Variants in LRRC7 observed in about 807,000 individuals in gnomAD.
LRRC7 encodes the protein leucine-rich repeat-containing protein 7.
A neutral mutation model predicts 175.7 loss-of-function variants in LRRC7; 23 were observed. The ratio of observed to expected loss-of-function variants is 0.13; its 90% CI spans 0.09 to 0.19. The LOEUF is 0.19. LRRC7 is among the 10% of genes least tolerant of loss of function. The pLI is 1.00. For synonymous variants in LRRC7, 685 were observed against 680.9 expected (o/e 1.01, Z -0.09); for missense variants, 1,354 against 1,904.7 (o/e 0.71, Z 5.38).
intron 22 of LRRC7, among the ~76,000 whole-genome samples, chr1:70,048,921 C>A (rs1418750187): frequency 6.6e-6 from 1 of 152,094 alleles, no homozygotes; most frequent in Non-Finnish European, 1.5e-5. Context: ...GGGAGAAAAT[C>A]ATTGGCCTTT....
intron 1 of LRRC7, among the ~76,000 whole-genome samples, chr1:69,668,662 G>C (rs1570269593): frequency 6.6e-6 from 1 of 152,338 alleles, no homozygotes; most frequent in East Asian, 1.9e-4. Context: ...TATAAACCCA[G>C]TAATGGGATT....
intron 2 of LRRC7, among the ~76,000 whole-genome samples, chr1:69,713,332 GTA>G (rs202118608): frequency 6.7e-6 from 1 of 149,784 alleles, no homozygotes. Flanking sequence ...AAAAAAAAAT[GTA>G]TATATATATA....
intron 3 of LRRC7, among the ~76,000 whole-genome samples, chr1:69,767,022 C>A (rs1671697258): frequency 6.6e-6 from 1 of 152,166 alleles, no homozygotes; most frequent in Admixed American, 6.6e-5. Context: ...CCGCCCATAT[C>A]TATTAGCAGT....
chr1:69,725,500 T>C (rs1198782476), intron 2 of LRRC7, among the ~76,000 whole-genome samples: 4 of 152,158 alleles, frequency 2.6e-5, no homozygotes, highest in Non-Finnish European at 4.4e-5. Flanking sequence ...TGAAAACCAA[T>C]TGTTACAGGT....
At chr1:69,699,352 C>A (rs34324965) in intron 2 of LRRC7, among the ~76,000 whole-genome samples, 11,950 of 152,046 alleles carry the variant, frequency 0.079, 557 homozygotes, top group East Asian at 0.14. Context: ...CCATCCTGGC[C>A]AACATGGTGA....
At position 70,132,880 on chromosome 1, in the gene LRRC7, G is replaced by C. The variant is rs1219716764; in HGVS notation, c.*10993G>C. Among the ~76,000 whole-genome samples, 2 of 152,156 alleles carry C rather than the reference G, an allele frequency of 1.3e-5. No homozygotes were observed. Among genetic ancestry groups the C allele is most frequent in the African/African-American group, 4.8e-5 (2 of 41,418 alleles). On this transcript the variant is annotated 3_prime_UTR_variant, in exon 27 of 27. Transcript: ENST00000651989. ...ATCATAAGACAGAAAGGGACCTTGA[G>C]AGGATCTGGTTCATTTGTCTATCTT...
At chr1:69,686,951 A>T (rs1570355637) in intron 2 of LRRC7, among the ~76,000 whole-genome samples, 1 of 152,336 alleles carries the variant, frequency 6.6e-6, no homozygotes, top group Non-Finnish European at 1.5e-5. Context: ...AGCTAGAGTG[A>T]CTATATTAAT....
intron 12 of LRRC7, 59 bp downstream of exon 12, chr1:70,011,985 A>T: frequency 7.8e-7 from 1 of 1,275,184 alleles, no homozygotes. Context: ...TTGGAGTAAA[A>T]TCTTAACAGG....
intron 14 of LRRC7, among the ~76,000 whole-genome samples, chr1:70,018,219 C>T (rs567722464): frequency 6.6e-6 from 1 of 152,118 alleles, no homozygotes; most frequent in South Asian, 2.1e-4. Context: ...ATATCAGGTA[C>T]AAGTACAGTT....
chr1:69,911,889 C>T (rs768332527), intron 7 of LRRC7, among the ~76,000 whole-genome samples: 31 of 149,308 alleles, frequency 2.1e-4, no homozygotes, highest in Non-Finnish European at 4.0e-4. Flanking sequence ...TGTAAAAGCA[C>T]GGTTAGACCT....
intron 11 of LRRC7, among the ~76,000 whole-genome samples, chr1:70,011,034 C>T (rs1656456860): frequency 6.6e-6 from 1 of 152,180 alleles, no homozygotes; most frequent in African/African-American, 2.4e-5. Context: ...TTTCAAGAGG[C>T]ATCAAAACTC....
In LRRC7 at chr1:69,909,621, G is replaced by A. The variant is rs535179900; in HGVS notation, c.648-21886G>A. On this transcript the variant is annotated intron_variant, in intron 7 of 26. Transcript: ENST00000651989. ...GCCCCCACTCTCTTCTGGCTTGTAG[G>A]GTTTCTGCTGAGAGATCCGCTGTTA... Among the ~76,000 whole-genome samples the A allele has an allele frequency of 3.0e-3, 464 of 152,228 alleles. 1 individual carries two copies. The highest frequency in any genetic ancestry group is 0.011 in the African/African-American group (438 of 41,522).
intron 4 of LRRC7, among the ~76,000 whole-genome samples, chr1:69,808,354 A>T (rs1570039414): frequency 6.6e-6 from 1 of 152,022 alleles, no homozygotes; most frequent in East Asian, 2.0e-4. Flanking sequence ...ACAGATGAAC[A>T]AGACAAAAAA....
At chr1:70,083,547 T>G (rs1663379257) in intron 24 of LRRC7, among the ~76,000 whole-genome samples, 1 of 152,170 alleles carries the variant, frequency 6.6e-6, no homozygotes, top group Non-Finnish European at 1.5e-5. Context: ...CTCTCAGCCA[T>G]GTAGTTTGAC....
chr1:69,646,941 G>C (rs1001351373), intron 1 of LRRC7, among the ~76,000 whole-genome samples: 1 of 151,866 alleles, frequency 6.6e-6, no homozygotes, highest in Non-Finnish European at 1.5e-5. Context: ...CCAGAAGTTG[G>C]GTCCAGCAAC....
intron 1 of LRRC7, among the ~76,000 whole-genome samples, chr1:69,677,045 G>A (rs1192468931): frequency 6.6e-6 from 1 of 151,558 alleles, no homozygotes; most frequent in Non-Finnish European, 1.5e-5. Flanking sequence ...TTTGGTTTTT[G>A]TTCCTGAGTT....
intron 11 of LRRC7, among the ~76,000 whole-genome samples, chr1:70,002,436 C>T (rs1226695204): frequency 6.6e-6 from 1 of 152,168 alleles, no homozygotes; most frequent in African/African-American, 2.4e-5. Flanking sequence ...ACACTGCTAA[C>T]TTATCATTTC....
At chr1:69,914,673 C>A (rs1362429105) in intron 7 of LRRC7, among the ~76,000 whole-genome samples, 1 of 152,010 alleles carries the variant, frequency 6.6e-6, no homozygotes, top group Non-Finnish European at 1.5e-5. Context: ...TATTCATGGT[C>A]TGGAAACTTA....
chr1:69,626,695 C>T (rs576232999), intron 1 of LRRC7, among the ~76,000 whole-genome samples: 1 of 147,934 alleles, frequency 6.8e-6, no homozygotes, highest in South Asian at 2.3e-4. Context: ...GGTATATCTC[C>T]TAATGCTATC....
Sources: gnomAD v4.1 joint callset for allele counts (sites outside exome capture counted in the v4.1 genomes callset) on GRCh38, gnomAD v4.1.1 for gene constraint, MANE v1.5 for transcripts, NCBI Gene and HGNC (gene_info 2026-07-23, HGNC 2026-07-21) for gene names.